EML1: variants seen among roughly 807,000 people sequenced by gnomAD.
EML1 encodes EMAP like 1, also known as echinoderm microtubule-associated protein-like 1.
In EML1, 27 loss-of-function variants were observed where a neutral mutation model predicts 110.4. That is an observed-to-expected ratio of 0.24 (90% confidence interval 0.18 to 0.34). The LOEUF (loss-of-function observed/expected upper bound fraction) is 0.34. Ranked by LOEUF, EML1 falls within the 10% of genes least tolerant of loss-of-function variation. The pLI, the probability that EML1 is intolerant of heterozygous loss-of-function variation, is 1.00. For synonymous variants in EML1, 344 were observed against 385.8 expected (o/e 0.89, Z 1.27); for missense variants, 741 against 1,030.9 (o/e 0.72, Z 3.85).
intron 1 of EML1, among the ~76,000 whole-genome samples, chr14:99,787,046 G>A (rs1313791343): frequency 6.6e-6 from 1 of 152,118 alleles, no homozygotes; most frequent in Non-Finnish European, 1.5e-5. Flanking sequence ...ATCTGAAAGG[G>A]GCAGAGTGAC....
intron 17 of EML1, among the ~76,000 whole-genome samples, chr14:99,923,141 C>G (rs2060159696): frequency 6.6e-6 from 1 of 152,238 alleles, no homozygotes; most frequent in South Asian, 2.1e-4. Flanking sequence ...AGGGTTTCGC[C>G]ATGTTGCCCA....
At chr14:99,737,897 G>A (rs765085567) in intron 1 of EML1, 32 of 1,286,260 alleles carry the variant, frequency 2.5e-5, no homozygotes, top group East Asian at 5.6e-5. Flanking sequence ...CTGTGGCTCC[G>A]GTTGCAGAGC....
chr14:99,878,753 G>A, intron 4 of EML1, 134 bp downstream of exon 4: 4 of 1,306,392 alleles, frequency 3.1e-6, no homozygotes, highest in Non-Finnish European at 4.1e-6. Context: ...TTCTCCTCAG[G>A]TATTTATAGG....
chr14:99,901,303 C>G (rs1336397030), intron 9 of EML1, among the ~76,000 whole-genome samples: 1 of 152,188 alleles, frequency 6.6e-6, no homozygotes, highest in Non-Finnish European at 1.5e-5. Context: ...ATCGTCCTCA[C>G]TTTCCTTAAG....
chr14:99,794,677 T>C (rs2057737515), intron 1 of EML1, among the ~76,000 whole-genome samples: 1 of 152,230 alleles, frequency 6.6e-6, no homozygotes, highest in East Asian at 1.9e-4. Context: ...GCTTATACTT[T>C]ACATCTGAAC....
At chr14:99,803,835 G>A (rs1486422181) in intron 1 of EML1, among the ~76,000 whole-genome samples, 1 of 152,172 alleles carries the variant, frequency 6.6e-6, no homozygotes, top group Non-Finnish European at 1.5e-5. Context: ...ATGGAATTAG[G>A]ACTCTCTTAT....
chr14:99,888,819 A>C (rs2059529499), intron 4 of EML1, among the ~76,000 whole-genome samples: 1 of 146,640 alleles, frequency 6.8e-6, no homozygotes, highest in East Asian at 1.9e-4. Context: ...CGGGGAGAAA[A>C]GGGGAGCCCT....
intron 17 of EML1, among the ~76,000 whole-genome samples, chr14:99,932,525 G>C (rs1435011265): frequency 2.0e-5 from 3 of 151,894 alleles, no homozygotes; most frequent in Non-Finnish European, 4.4e-5. Context: ...TGTAATCCCA[G>C]CTATCTGGAA....
chr14:99,847,064 A>G (rs2058718195), intron 1 of EML1, among the ~76,000 whole-genome samples: 1 of 131,632 alleles, frequency 7.6e-6, no homozygotes, highest in Admixed American at 7.2e-5. Context: ...TTTCATTATC[A>G]TTTGATTATT....
intron 12 of EML1, 98 bp from the exon 13 acceptor site, chr14:99,911,324 C>A: frequency 7.3e-7 from 1 of 1,376,250 alleles, no homozygotes; most frequent in Non-Finnish European, 9.8e-7. Flanking sequence ...TGCTCACGGA[C>A]AATATTGCGT....
At chr14:99,789,271 C>T (rs1030512042), upstream of EML1, among the ~76,000 whole-genome samples, 1 of 152,130 alleles carries the variant, frequency 6.6e-6, no homozygotes, top group South Asian at 2.1e-4. Flanking sequence ...TGCAGTGGCA[C>T]GATCTCGGCT....
At chr14:99,926,591 AT>A (rs928675206) in intron 17 of EML1, among the ~76,000 whole-genome samples, 52 of 148,004 alleles carry the variant, frequency 3.5e-4, no homozygotes, top group African/African-American at 1.3e-3. Context: ...GGCAGCTCTT[AT>A]TTTTTTTAAT....
chr14:99,794,588 C>T (rs1312000811), intron 1 of EML1, among the ~76,000 whole-genome samples: 1 of 152,106 alleles, frequency 6.6e-6, no homozygotes, highest in African/African-American at 2.4e-5. Flanking sequence ...TTGATTCATC[C>T]TCTGTAGTGG....
intron 17 of EML1, among the ~76,000 whole-genome samples, chr14:99,935,781 C>CAAAAAAAAAAAAAAAAAAA (rs1160100015): frequency 2.4e-5 from 2 of 83,712 alleles, no homozygotes; most frequent in African/African-American, 9.7e-5. Context: ...GACTCCGTCT[C>CAAAAAAAAAAAAAAAAAAA]AAAAAAAAAA....
At chr14:99,933,156 G>T (rs61986042) in intron 17 of EML1, among the ~76,000 whole-genome samples, 61,338 of 151,966 alleles carry the variant, frequency 0.4, 15,147 homozygotes, top group African/African-American at 0.7. Context: ...ACCTCATTAT[G>T]TTTTGAGTTC....
At chr14:99,869,217 A>G (rs921624791) in intron 3 of EML1, among the ~76,000 whole-genome samples, 4 of 152,214 alleles carry the variant, frequency 2.6e-5, no homozygotes, top group African/African-American at 7.2e-5. Flanking sequence ...GAGTAAATCT[A>G]TCAGCATCGT....
chr14:99,840,558 C>T (rs564531426), intron 1 of EML1, among the ~76,000 whole-genome samples: 3 of 152,284 alleles, frequency 2.0e-5, no homozygotes, highest in Admixed American at 2.0e-4. Context: ...TGACATACAG[C>T]GGCTGGTGAA....
intron 1 of EML1, among the ~76,000 whole-genome samples, chr14:99,793,999 T>C (rs192113796): frequency 4.7e-4 from 71 of 152,286 alleles, no homozygotes; most frequent in Middle Eastern, 3.4e-3. Flanking sequence ...ATGCACGCAG[T>C]GTTTGGACCC....
intron 2 of EML1, among the ~76,000 whole-genome samples, chr14:99,859,555 G>A (rs2058964502): frequency 6.6e-6 from 1 of 152,194 alleles, no homozygotes; most frequent in Non-Finnish European, 1.5e-5. Flanking sequence ...TGGACCCAGA[G>A]GACCTTGCCT....
Sources: allele counts gnomAD v4.1 joint callset (sites outside exome capture counted in the v4.1 genomes callset), GRCh38; gene constraint gnomAD v4.1.1; transcripts MANE v1.5; gene names NCBI Gene and HGNC (gene_info 2026-07-23, HGNC 2026-07-21).